The following DZANK1 variants were observed in gnomAD, a reference collection of about 807,000 sequenced individuals.
DZANK1 encodes double zinc ribbon and ankyrin repeat domains 1.
Under a neutral mutation model 94.5 loss-of-function variants are expected in DZANK1, and 91 were observed. The observed-to-expected ratio is 0.96, with a 90% CI of 0.81 to 1.15. The LOEUF is 1.15. DZANK1 is among the 50% of genes most tolerant of loss of function. DZANK1 has a pLI of 0.00. For missense variants in DZANK1, 903 were observed against 916.4 expected (o/e 0.99, Z 0.19); for synonymous variants, 312 against 325.3 (o/e 0.96, Z 0.44).
intron 7 of DZANK1, among the ~76,000 whole-genome samples, chr20:18,444,015 G>A (rs1391095526): frequency 2.0e-5 from 3 of 152,128 alleles, no homozygotes; most frequent in Non-Finnish European, 4.4e-5. Flanking sequence ...TCATCTAAAT[G>A]GGTTCTGGCT....
intron 11 of DZANK1, among the ~76,000 whole-genome samples, chr20:18,414,867 C>T (rs1483954778): frequency 1.3e-5 from 2 of 152,214 alleles, no homozygotes; most frequent in Non-Finnish European, 2.9e-5. Context: ...GTGTTCATAG[C>T]ACCAGTTTAC....
chr20:18,450,867 T>C (rs1406976783), intron 6 of DZANK1, among the ~76,000 whole-genome samples: 2 of 152,156 alleles, frequency 1.3e-5, no homozygotes, highest in African/African-American at 2.4e-5. Flanking sequence ...AGCACTATAA[T>C]AGTATAGTAG....
intron 3 of DZANK1, among the ~76,000 whole-genome samples, chr20:18,457,189 T>G (rs2059320900): frequency 6.6e-6 from 1 of 152,150 alleles, no homozygotes; most frequent in Non-Finnish European, 1.5e-5. Context: ...AATAGTGGCT[T>G]TATGGCAGGG....
chr20:18,418,961 G>T (rs1434364198), intron 10 of DZANK1, among the ~76,000 whole-genome samples: 1 of 152,114 alleles, frequency 6.6e-6, no homozygotes, highest in African/African-American at 2.4e-5. Context: ...GAGAAAAAAA[G>T]ATTTTTAAAA....
At chr20:18,446,261 G>T (rs117324842) in intron 7 of DZANK1, among the ~76,000 whole-genome samples, 1 of 151,778 alleles carries the variant, frequency 6.6e-6, no homozygotes, top group African/African-American at 2.4e-5. Context: ...AAGAAAGGAC[G>T]AAAGGAAGGA....
chr20:18,431,891 TTCC>T (rs1167126567), intron 9 of DZANK1, among the ~76,000 whole-genome samples: 1 of 152,226 alleles, frequency 6.6e-6, no homozygotes, highest in East Asian at 1.9e-4. Flanking sequence ...CATTATTGAT[TTCC>T]TCATTATATG....
At chr20:18,423,021 G>A (rs563827436) in intron 10 of DZANK1, among the ~76,000 whole-genome samples, 14 of 152,012 alleles carry the variant, frequency 9.2e-5, no homozygotes, top group African/African-American at 3.4e-4. Flanking sequence ...AGTCATGCAC[G>A]ACATAATGAT....
chr20:18,459,703 A>C (rs2059408793), intron 3 of DZANK1, among the ~76,000 whole-genome samples: 1 of 152,220 alleles, frequency 6.6e-6, no homozygotes, highest in Admixed American at 6.5e-5. Flanking sequence ...AATGTCCAAC[A>C]AGTTGAAATG....
rs150974428 is a variant in DZANK1 at position 18,434,792 on chromosome 20, T to C, written c.748-1027A>G. ...CTGTGAAAACCAGAAGTTTTGTGGC[T>C]GCTGATGGGCAAGGATCACTTGATT... On this transcript the variant is annotated intron_variant, in intron 8 of 20. Transcript: ENST00000262547. 2.4e-3 allele frequency among the ~76,000 whole-genome samples: 361 copies of C among 152,278 alleles called. 5 individuals are homozygous for C. The highest frequency in any genetic ancestry group is 0.02 in the Admixed American group (304 of 15,304).
At chr20:18,432,497 G>A (rs990886252) in intron 9 of DZANK1, 2 of 152,156 alleles carry the variant, frequency 1.3e-5, no homozygotes, top group Non-Finnish European at 2.9e-5. Flanking sequence ...TCCTCTACCT[G>A]ACTTTGGCCT....
intron 2 of DZANK1, among the ~76,000 whole-genome samples, chr20:18,464,517 A>G (rs2059578406): frequency 6.6e-6 from 1 of 152,176 alleles, no homozygotes; most frequent in Non-Finnish European, 1.5e-5. Flanking sequence ...AGACTCAAAA[A>G]GGCTAAGTAA....
chr20:18,386,905 T>A (rs748204799), intron 19 of DZANK1, among the ~76,000 whole-genome samples: 8 of 152,194 alleles, frequency 5.3e-5, no homozygotes, highest in Non-Finnish European at 1.2e-4. Flanking sequence ...AATGAAGAAT[T>A]TGCCATAGAA....
intron 15 of DZANK1, 38 bp from the exon 16 acceptor site, chr20:18,394,388 G>C (rs779149015): frequency 6.3e-7 from 1 of 1,584,148 alleles, no homozygotes; most frequent in South Asian, 1.1e-5. Context: ...TGAATGATGA[G>C]GCTGCTTTGT....
chr20:18,456,224 T>C (rs534213624), intron 3 of DZANK1, among the ~76,000 whole-genome samples: 2 of 152,360 alleles, frequency 1.3e-5, no homozygotes, highest in African/African-American at 4.8e-5. Context: ...TATATGCTGC[T>C]CTGGTAGATT....
At chr20:18,458,703 T>C (rs892850421) in intron 3 of DZANK1, among the ~76,000 whole-genome samples, 9 of 152,272 alleles carry the variant, frequency 5.9e-5, no homozygotes, top group African/African-American at 1.9e-4. Context: ...CACAAGCCTC[T>C]CCATCCAGGG....
At chr20:18,401,609 G>A (rs1055562127) in intron 13 of DZANK1, among the ~76,000 whole-genome samples, 6 of 152,204 alleles carry the variant, frequency 3.9e-5, no homozygotes, top group East Asian at 1.9e-4. Context: ...AGGCCTCAGC[G>A]AAGATGGCAC....
intron 14 of DZANK1, 28 bp downstream of exon 14, chr20:18,398,495 T>A: frequency 6.2e-7 from 1 of 1,606,086 alleles, no homozygotes. Flanking sequence ...CGTGGACACT[T>A]GTGGAGTGGA....
intron 15 of DZANK1, among the ~76,000 whole-genome samples, chr20:18,395,291 G>C (rs775472850): frequency 1.6e-4 from 24 of 152,196 alleles, no homozygotes; most frequent in Non-Finnish European, 3.1e-4. Flanking sequence ...AACCCAGGAG[G>C]GGGAGGTTTG....
chr20:18,394,294 G>A (rs377507795), exon 16 of DZANK1: 90 of 1,613,582 alleles, frequency 5.6e-5, no homozygotes, highest in Middle Eastern at 4.9e-4. Flanking sequence ...CATCACCCTC[G>A]GCAGCACTGC....
Sources: gnomAD v4.1 joint callset for allele counts (sites outside exome capture counted in the v4.1 genomes callset) on GRCh38, gnomAD v4.1.1 for gene constraint, MANE v1.5 for transcripts, NCBI Gene and HGNC (gene_info 2026-07-23, HGNC 2026-07-21) for gene names.